TIAM1: variants seen among roughly 807,000 people sequenced by gnomAD.
The protein encoded by TIAM1 is TIAM Rac1 associated GEF 1, also known as rho guanine nucleotide exchange factor TIAM1.
TIAM1 carries 65 observed loss-of-function variants against 163.5 expected under a neutral mutation model. The ratio of observed to expected loss-of-function variants is 0.40; its 90% CI spans 0.33 to 0.49. The LOEUF (loss-of-function observed/expected upper bound fraction) is 0.49. TIAM1 is among the 20% of genes least tolerant of loss of function. The pLI is 0.77. For missense variants in TIAM1, 1,789 were observed against 2,044.7 expected (o/e 0.87, Z 2.41); for synonymous variants, 833 against 810.1 (o/e 1.03, Z -0.48).
chr21:31,335,695 ACT>A (rs1158739364), intron 2 of TIAM1, among the ~76,000 whole-genome samples: 7 of 144,442 alleles, frequency 4.8e-5, no homozygotes, highest in Admixed American at 2.7e-4. Flanking sequence ...ACAGAGCGAG[ACT>A]CTGTCTCCAA....
chr21:31,367,211 T>C (rs1213253501), intron 2 of TIAM1, among the ~76,000 whole-genome samples: 2 of 152,132 alleles, frequency 1.3e-5, no homozygotes, highest in African/African-American at 2.4e-5. Flanking sequence ...GCAACTCACC[T>C]GGTTCATCCT....
At chr21:31,481,367 T>C (rs984476866) in intron 1 of TIAM1, among the ~76,000 whole-genome samples, 2 of 152,174 alleles carry the variant, frequency 1.3e-5, no homozygotes, top group Admixed American at 1.3e-4. Context: ...GTGTGGGGTT[T>C]TTCCTCACAC....
In TIAM1 at chr21:31,260,948, G is replaced by C. The variant is rs574718999; in HGVS notation, c.963+5062C>G. On this transcript the variant is annotated intron_variant, in intron 4 of 27. Coordinates refer to ENST00000541036, the MANE Select transcript of TIAM1 (RefSeq NM_001353694.2). ...GATTCTCAAGAGTCTGTGACCAAAG[G>C]TCAAGAATCATATGGTTGTTGATGT... Among the ~76,000 whole-genome samples the C allele has an allele frequency of 6.6e-5, 10 of 152,268 alleles. No individual in the cohort carries two copies. The South Asian group carries it at 2.1e-3, about 32-fold the overall frequency.
chr21:31,252,212 AAAG>A (rs747374075), intron 4 of TIAM1, 23 bp from the exon 5 acceptor site: 20 of 1,592,144 alleles, frequency 1.3e-5, no homozygotes, highest in Non-Finnish European at 2.6e-6. Context: ...AAGAGAGAGC[AAAG>A]AAGACAAGCG....
At chr21:31,271,799 T>A (rs1407630584) in intron 3 of TIAM1, among the ~76,000 whole-genome samples, 1 of 152,128 alleles carries the variant, frequency 6.6e-6, no homozygotes, top group Non-Finnish European at 1.5e-5. Context: ...GAAAGTGGTA[T>A]GGGGTCAAAG....
At chr21:31,203,584 C>G (rs1036641933) in intron 11 of TIAM1, among the ~76,000 whole-genome samples, 2 of 152,218 alleles carry the variant, frequency 1.3e-5, no homozygotes, top group Non-Finnish European at 2.9e-5. Context: ...ATCTCCACGC[C>G]TCCTTATTTG....
chr21:31,355,538 T>TATTTATTG (rs907394920), intron 2 of TIAM1, among the ~76,000 whole-genome samples: 1 of 139,266 alleles, frequency 7.2e-6, no homozygotes, highest in African/African-American at 3.2e-5. Context: ...ATTATTTATT[T>TATTTATTG]ATTTATTTAT....
At chr21:31,313,885 T>C (rs560706530) in intron 2 of TIAM1, among the ~76,000 whole-genome samples, 1 of 152,324 alleles carries the variant, frequency 6.6e-6, no homozygotes, top group African/African-American at 2.4e-5. Flanking sequence ...CACACTTTTT[T>C]AAAAAAGATT....
intron 1 of TIAM1, among the ~76,000 whole-genome samples, chr21:31,512,159 C>T (rs2047230085): frequency 6.6e-6 from 1 of 151,920 alleles, no homozygotes; most frequent in Admixed American, 6.6e-5. Flanking sequence ...TACAGTGGTA[C>T]AATCTTGGCT....
intron 1 of TIAM1, among the ~76,000 whole-genome samples, chr21:31,546,172 G>C (rs896677186): frequency 7.9e-6 from 1 of 126,898 alleles, no homozygotes. Context: ...GTAATGAAAA[G>C]AGGTATTTGT....
intron 5 of TIAM1, among the ~76,000 whole-genome samples, chr21:31,251,343 G>T (rs894034442): frequency 5.9e-5 from 9 of 152,110 alleles, no homozygotes; most frequent in African/African-American, 2.2e-4. Context: ...ACATGAATAG[G>T]TTCTAGCTTA....
intron 1 of TIAM1, among the ~76,000 whole-genome samples, chr21:31,553,888 A>G (rs1460793034): frequency 6.6e-6 from 1 of 152,124 alleles, no homozygotes; most frequent in African/African-American, 2.4e-5. Flanking sequence ...CCTAGCGAAG[A>G]GGATTCCAAG....
At chr21:31,284,774 CT>C (rs1291927592) in intron 2 of TIAM1, among the ~76,000 whole-genome samples, 1 of 152,066 alleles carries the variant, frequency 6.6e-6, no homozygotes, top group Non-Finnish European at 1.5e-5. Context: ...GATCAGCCCA[CT>C]TTGGCTTCCC....
At chr21:31,262,289 C>G (rs2072521593) in intron 4 of TIAM1, among the ~76,000 whole-genome samples, 1 of 152,206 alleles carries the variant, frequency 6.6e-6, no homozygotes, top group African/African-American at 2.4e-5. Context: ...GTTGCAAGCT[C>G]AGATATGCTG....
intron 2 of TIAM1, among the ~76,000 whole-genome samples, chr21:31,455,469 G>T (rs146528153): frequency 6.3e-4 from 96 of 151,194 alleles, no homozygotes; most frequent in African/African-American, 2.3e-3. Context: ...CTGGAGTGCA[G>T]TGGTATGATC....
intron 15 of TIAM1, 30 bp downstream of exon 15, chr21:31,182,391 A>G: frequency 6.7e-7 from 1 of 1,483,906 alleles, no homozygotes; most frequent in Admixed American, 2.5e-5. Context: ...CGGAGTTCAG[A>G]CTCGCCCCCA....
At position 31,120,533 on chromosome 21, in the gene TIAM1, T is replaced by C. The variant is rs1344424561; in HGVS notation, c.4611A>G (p.Glu1537=). The change falls in exon 28 of 28, where the codon GAA becomes GAG. Residue 1537 remains glutamate, a synonymous_variant. Transcript: ENST00000541036. The surrounding 1 kb of genome is among the most constrained non-coding windows in gnomAD (Gnocchi z 4.2). ...GACTATCCAGGGTTTTCCGGCCTCTTTCCCGCTGACTGATGGAGGTGGCCT... is the reference window on the plus strand; with the variant it reads ...GACTATCCAGGGTTTTCCGGCCTCTCTCCCGCTGACTGATGGAGGTGGCCT... ...RLQATSISQR[E]RGRKTLDSHA... The C allele has an allele frequency of 6.2e-7, 1 of 1,614,230 alleles. No homozygotes were observed. Among genetic ancestry groups the C allele is most frequent in the Admixed American group, 1.7e-5 (1 of 60,026 alleles).
At position 31,127,094 on chromosome 21, in the gene TIAM1, C is replaced by T. The variant is rs761708053; in HGVS notation, c.4104G>A (p.Arg1368=). 1.2e-6 allele frequency: 2 copies of T among 1,614,110 alleles called. No individual in the cohort carries two copies. The highest frequency in any genetic ancestry group is 1.7e-6 in the Non-Finnish European group (2 of 1,179,952). Residue 1368 remains arginine (R), a synonymous_variant, in exon 26 of 28, where the codon AGG becomes AGA. Coordinates refer to ENST00000541036, the MANE Select transcript of TIAM1 (RefSeq NM_001353694.2). The part of the protein sequence containing the change: ...IVHVKSESEG[R]PERVFHLCCS... ...AGCACAAGTGAAAGACCCTCTCCGG[C>T]CTCCCTTCAGACTCGGATTTTACAT...
chr21:31,203,410 A>T lies in TIAM1; in HGVS notation c.2389-398T>A, dbSNP rs185185692. On this transcript the variant is annotated intron_variant, in intron 11 of 27. Coordinates refer to ENST00000541036, the MANE Select transcript of TIAM1 (RefSeq NM_001353694.2). ...AGTGCTGGGATTACAGGCGTGGGCC[A>T]CTGCTCCCGGCCCAATAGAAATTTG... 2.5e-3 allele frequency among the ~76,000 whole-genome samples: 386 copies of T among 152,376 alleles called. 1 individual carries two copies. The highest frequency in any genetic ancestry group is 0.022 in the South Asian group (106 of 4,830).
Sources: allele counts gnomAD v4.1 joint callset (sites outside exome capture counted in the v4.1 genomes callset), GRCh38; gene constraint gnomAD v4.1.1; non-coding constraint Gnocchi (gnomAD v3.1); transcripts MANE v1.5; gene names NCBI Gene and HGNC (gene_info 2026-07-23, HGNC 2026-07-21).